Variants in DCHS2 observed in about 807,000 individuals in gnomAD.
The protein encoded by DCHS2 is dachsous cadherin-related 2.
A neutral mutation model predicts 182.4 loss-of-function variants in DCHS2; 142 were observed. The ratio of observed to expected loss-of-function variants is 0.78; its 90% CI spans 0.68 to 0.89. The LOEUF is 0.89. Among genes scored for constraint, DCHS2 ranks in the 40% least tolerant of loss-of-function variants. The pLI, the probability that DCHS2 is intolerant of heterozygous loss-of-function variation, is 0.00. For missense variants in DCHS2, 4,319 were observed against 4,198.6 expected (o/e 1.03, Z -0.79); for synonymous variants, 1,740 against 1,663.3 (o/e 1.05, Z -1.12).
chr4:154,420,246 C>CAGATTAGAT (rs1553950395), intron 1 of DCHS2, among the ~76,000 whole-genome samples: 1 of 144,748 alleles, frequency 6.9e-6, no homozygotes, highest in Non-Finnish European at 1.5e-5. Flanking sequence ...GACAGACAGA[C>CAGATTAGAT]AGATAGATAG....
chr4:154,272,108 G>T (rs1355425476), intron 13 of DCHS2: 1 of 151,950 alleles, frequency 6.6e-6, no homozygotes, highest in Non-Finnish European at 1.5e-5. Flanking sequence ...TCATACAATT[G>T]TTATTGCAGA....
intron 15 of DCHS2, among the ~76,000 whole-genome samples, chr4:154,258,296 C>T (rs1215465069): frequency 6.7e-6 from 1 of 149,520 alleles, no homozygotes; most frequent in Non-Finnish European, 1.5e-5. Flanking sequence ...GCAGCTGAGA[C>T]TCTATTGGTC....
chr4:154,485,133 T>C (rs1321593222), intron 1 of DCHS2, among the ~76,000 whole-genome samples: 1 of 151,756 alleles, frequency 6.6e-6, no homozygotes. Flanking sequence ...TCTGGGAATA[T>C]ACAGGAAGAG....
Position 154,274,014 on chromosome 4 carries a change from A to G in DCHS2, c.6464-4001T>C, listed in dbSNP as rs180907934. On this transcript the variant is annotated intron_variant, in intron 13 of 19. Transcript: ENST00000357232. ...GGAACAGGAGCTGACATGGTGTCAG[A>G]GATGAGTACAGAGCAGGGCTCATCA... Among the ~76,000 whole-genome samples the G allele has an allele frequency of 2.5e-3, 381 of 152,274 alleles. 1 individual carries two copies. The highest frequency in any genetic ancestry group is 8.3e-3 in the African/African-American group (344 of 41,560).
chr4:154,265,793 A>G (rs1733224459), intron 14 of DCHS2, among the ~76,000 whole-genome samples: 1 of 152,186 alleles, frequency 6.6e-6, no homozygotes, highest in Admixed American at 6.5e-5. Context: ...AGATATAAAA[A>G]GGAAGGGGCA....
At chr4:154,330,520 T>A (rs1287988868) in intron 5 of DCHS2, among the ~76,000 whole-genome samples, 1 of 152,102 alleles carries the variant, frequency 6.6e-6, no homozygotes, top group East Asian at 1.9e-4. Context: ...AGACAAGCAC[T>A]CGGTCCAATA....
chr4:154,427,964 T>C (rs1224743342), intron 1 of DCHS2, among the ~76,000 whole-genome samples: 2 of 152,226 alleles, frequency 1.3e-5, no homozygotes, highest in African/African-American at 4.8e-5. Context: ...TCATTCACAG[T>C]TCAGCTGGAG....
In DCHS2 at chr4:154,490,701, G is replaced by A. The variant is rs551052668; in HGVS notation, c.655C>T (p.Pro219Ser). 2 of 1,551,474 alleles carry A rather than the reference G, an allele frequency of 1.3e-6. No individual in the cohort carries two copies. Among genetic ancestry groups the A allele is most frequent in the Admixed American group, 3.9e-5 (2 of 50,988 alleles). ...GTCCGGTAGCGCAACTGGAAGAACG[G>A]GCCTGCGGGGTCCTTGGGCAGGTCG... ...PSDLPKDPAG[P>S]FFQLRYRTPG... Residue 219 changes from proline to serine, a missense_variant, in exon 1 of 20, where the codon CCG becomes TCG. Transcript: ENST00000357232.
intron 13 of DCHS2, among the ~76,000 whole-genome samples, chr4:154,288,847 A>T (rs1310686402): frequency 2.6e-5 from 4 of 152,184 alleles, no homozygotes; most frequent in African/African-American, 9.6e-5. Context: ...GGAAAAATTT[A>T]AAAGAAAATT....
intron 1 of DCHS2, among the ~76,000 whole-genome samples, chr4:154,384,088 C>G (rs1324674078): frequency 6.6e-6 from 1 of 152,070 alleles, no homozygotes; most frequent in East Asian, 1.9e-4. Context: ...ACATTTGAAG[C>G]ACTGGACAAC....
chr4:154,383,221 G>A (rs577494402), intron 1 of DCHS2, among the ~76,000 whole-genome samples: 33 of 152,218 alleles, frequency 2.2e-4, no homozygotes, highest in Non-Finnish European at 4.4e-4. Flanking sequence ...TTATCTTAAG[G>A]GAATTAACAC....
Position 154,491,081 on chromosome 4 carries a change from G to T in DCHS2, c.275C>A (p.Ala92Asp). ...GCCGCTCCCCTCCTGCTGCTGCGCGGCCGGCAGCCCGGCGCGGATGTCACC... is the reference window on the plus strand; with the variant it reads ...GCCGCTCCCCTCCTGCTGCTGCGCGTCCGGCAGCCCGGCGCGGATGTCACC... ...LVGDIRAGLP[A>D]AQQQEGSGFF... The change falls in exon 1 of 20, where the codon GCC (alanine) becomes GAC (aspartate). Residue 92 changes from alanine (A) to aspartate (D), a missense_variant. Coordinates refer to ENST00000357232, the MANE Select transcript of DCHS2 (RefSeq NM_001358235.2). 6.4e-7 allele frequency: 1 copy of T among 1,551,326 alleles called. No individual in the cohort carries two copies. The highest frequency in any genetic ancestry group is 2.4e-5 in the East Asian group (1 of 40,906).
intron 1 of DCHS2, among the ~76,000 whole-genome samples, chr4:154,463,515 T>C (rs752610516): frequency 1.3e-5 from 2 of 152,128 alleles, no homozygotes; most frequent in Non-Finnish European, 2.9e-5. Context: ...GCTAACAATT[T>C]CAAAACTCTT....
In DCHS2 at chr4:154,490,661, G is replaced by A. The variant is rs766475202; in HGVS notation, c.695C>T (p.Pro232Leu). 2 of 1,551,484 alleles carry A rather than the reference G, an allele frequency of 1.3e-6. No individual in the cohort carries two copies. The highest frequency in any genetic ancestry group is 1.4e-5 in the African/African-American group (1 of 73,166). The change falls in exon 1 of 20, where the codon CCG becomes CTG. Residue 232 changes from proline (P) to leucine (L), a missense_variant. Coordinates refer to ENST00000357232, the MANE Select transcript of DCHS2 (RefSeq NM_001358235.2). ...QLRYRTPGPL[P>L]SPLLPGSSSP... is the part of the protein sequence containing the mutation. ...CGAGGAGCCTGGCAAAAGCGGTGAC[G>A]GTAGTGGCCCCGGAGTCCGGTAGCG...
intron 1 of DCHS2, among the ~76,000 whole-genome samples, chr4:154,444,782 A>G (rs1412659339): frequency 2.0e-5 from 3 of 152,202 alleles, no homozygotes; most frequent in African/African-American, 7.2e-5. Flanking sequence ...GCTGTGGCCT[A>G]CAAGGCAGGC....
intron 1 of DCHS2, among the ~76,000 whole-genome samples, chr4:154,414,745 G>A (rs114256572): frequency 6.3e-4 from 96 of 152,208 alleles, no homozygotes; most frequent in African/African-American, 1.8e-3. Context: ...ATATGTAAAA[G>A]TTGATTTAGG....
In DCHS2 at chr4:154,491,192, C is replaced by T. The variant is rs769360430; in HGVS notation, c.164G>A (p.Trp55Ter). 6.4e-7 allele frequency: 1 copy of T among 1,551,468 alleles called. No individual in the cohort carries two copies. Among genetic ancestry groups the T allele is most frequent in the South Asian group, 1.2e-5 (1 of 84,046 alleles). ...RSLLWLLVHV[W>*]LWAASGSSAQ... ...AGAGGAGCCCGAGGCCGCCCACAGC[C>T]ACACGTGCACCAAGAGCCAGAGCAG... Residue 55 changes from tryptophan to a stop codon, truncating the protein, a stop_gained, in exon 1 of 20, where the codon TGG (tryptophan) becomes TAG (stop). Coordinates refer to ENST00000357232, the MANE Select transcript of DCHS2 (RefSeq NM_001358235.2). LOFTEE classifies it high-confidence loss of function.
chr4:154,348,357 C>G (rs376442608), intron 3 of DCHS2, among the ~76,000 whole-genome samples: 2 of 151,882 alleles, frequency 1.3e-5, no homozygotes, highest in East Asian at 3.9e-4. Context: ...CTCACAGTTG[C>G]GGGAGTACCA....
At chr4:154,486,643 G>C in intron 1 of DCHS2, 2 of 957,176 alleles carry the variant, frequency 2.1e-6, no homozygotes, top group Non-Finnish European at 2.8e-6. Context: ...AGGCAAGATG[G>C]GGGAGTTGGT....
Sources: gnomAD v4.1 joint callset for allele counts (sites outside exome capture counted in the v4.1 genomes callset) on GRCh38, gnomAD v4.1.1 for gene constraint, MANE v1.5 for transcripts, NCBI Gene and HGNC (gene_info 2026-07-23, HGNC 2026-07-21) for gene names.